Variants in TAOK3 observed in about 807,000 individuals in gnomAD.
The protein encoded by TAOK3 is TAO kinase 3.
TAOK3 carries 40 observed loss-of-function variants against 120.4 expected under a neutral mutation model. That is an observed-to-expected ratio of 0.33 (90% CI 0.26 to 0.43). The LOEUF (loss-of-function observed/expected upper bound fraction) is 0.43, where lower values mean the gene tolerates loss of function less well. Among genes scored for constraint, TAOK3 ranks in the 20% least tolerant of loss-of-function variants. The pLI is 1.00. For missense variants in TAOK3, 821 were observed against 1,112.1 expected (o/e 0.74, Z 3.72); for synonymous variants, 355 against 387.5 (o/e 0.92, Z 0.99).
At chr12:118,368,603 C>G (rs1461372986) in intron 1 of TAOK3, among the ~76,000 whole-genome samples, 8 of 149,482 alleles carry the variant, frequency 5.4e-5, no homozygotes, top group Admixed American at 2.0e-4. Flanking sequence ...GTCAGGAGTT[C>G]TAGATCAGCC....
intron 16 of TAOK3, among the ~76,000 whole-genome samples, chr12:118,176,417 T>C (rs1296783619): frequency 6.6e-6 from 1 of 152,106 alleles, no homozygotes; most frequent in Non-Finnish European, 1.5e-5. Flanking sequence ...TTCTAGGATT[T>C]TGACTTGTCC....
chr12:118,260,552 T>C (rs1272496991), intron 2 of TAOK3, among the ~76,000 whole-genome samples: 1 of 152,160 alleles, frequency 6.6e-6, no homozygotes, highest in Non-Finnish European at 1.5e-5. Context: ...AAATTAGTGG[T>C]CAAGGACATT....
chr12:118,368,386 C>A (rs547549239), intron 1 of TAOK3, among the ~76,000 whole-genome samples: 1 of 151,908 alleles, frequency 6.6e-6, no homozygotes, highest in African/African-American at 2.4e-5. Flanking sequence ...TTAGTAGAGA[C>A]GGGTTTTCAC....
chr12:118,208,312 C>T (rs956110611), intron 11 of TAOK3, among the ~76,000 whole-genome samples: 1 of 151,898 alleles, frequency 6.6e-6, no homozygotes, highest in Non-Finnish European at 1.5e-5. Flanking sequence ...GATAGCTTAG[C>T]TGGGGGAAAA....
chr12:118,344,354 A>G (rs187586387), intron 1 of TAOK3, among the ~76,000 whole-genome samples: 25 of 152,016 alleles, frequency 1.6e-4, no homozygotes, highest in African/African-American at 6.0e-4. Context: ...CAGTTACTAT[A>G]CAAAAGTGCA....
chr12:118,359,139 C>CT (rs1244147176), intron 1 of TAOK3: 2 of 152,144 alleles, frequency 1.3e-5, no homozygotes, highest in South Asian at 2.1e-4. Flanking sequence ...ATTACAGACA[C>CT]TTAGTTTTTT....
intron 1 of TAOK3, chr12:118,359,090 C>A (rs779473303): frequency 7.2e-5 from 11 of 152,156 alleles, no homozygotes; most frequent in Admixed American, 6.5e-4. Context: ...TATAAGAACA[C>A]CCCAGGCTAT....
At chr12:118,214,639 C>T (rs912213242) in intron 9 of TAOK3, among the ~76,000 whole-genome samples, 8 of 151,040 alleles carry the variant, frequency 5.3e-5, no homozygotes, top group Non-Finnish European at 1.0e-4. Context: ...TACAGTGGCA[C>T]GATCTGCAAC....
At chr12:118,288,427 C>G (rs560740640) in intron 1 of TAOK3, among the ~76,000 whole-genome samples, 19 of 152,156 alleles carry the variant, frequency 1.2e-4, no homozygotes, top group African/African-American at 4.6e-4. Context: ...ATAAGAAATG[C>G]CCATATGGGC....
At chr12:118,301,393 A>C (rs539916538) in intron 1 of TAOK3, among the ~76,000 whole-genome samples, 2 of 152,278 alleles carry the variant, frequency 1.3e-5, no homozygotes, top group Admixed American at 1.3e-4. Flanking sequence ...AGTTTGCTTA[A>C]GTGTTTGTTG....
intron 1 of TAOK3, among the ~76,000 whole-genome samples, chr12:118,268,646 T>C (rs2041561921): frequency 6.6e-6 from 1 of 152,240 alleles, no homozygotes; most frequent in Non-Finnish European, 1.5e-5. Context: ...TAATGTAGTC[T>C]GACTATAGCT....
In TAOK3 at chr12:118,280,349, C is replaced by T. The variant is rs117253594; in HGVS notation, c.-193-13590G>A. 6.6e-3 allele frequency among the ~76,000 whole-genome samples: 1,002 copies of T among 152,340 alleles called. 4 individuals carry two copies. The highest frequency in any genetic ancestry group is 0.034 in the Middle Eastern group (10 of 294). On this transcript the variant is annotated intron_variant, in intron 1 of 20. Coordinates refer to ENST00000392533, the MANE Select transcript of TAOK3 (RefSeq NM_016281.4). ...GTGCTGGGATTACAGGTGTGAACCA[C>T]TGCACGTGGTGTGATTTTTGTATAT...
chr12:118,343,620 T>A (rs1033385305), intron 1 of TAOK3, among the ~76,000 whole-genome samples: 1 of 152,014 alleles, frequency 6.6e-6, no homozygotes, highest in Non-Finnish European at 1.5e-5. Flanking sequence ...CCAAATTAAA[T>A]CATTAATACA....
chr12:118,246,560 G>A lies in TAOK3; in HGVS notation c.121-1595C>T, dbSNP rs556302189. 4.4e-4 allele frequency: 680 copies of A among 1,560,816 alleles called. 1 individual carries two copies. In the African/African-American group the frequency reaches 7.2e-3, roughly 17 times the overall value. On this transcript the variant is annotated intron_variant, in intron 3 of 20. Coordinates refer to ENST00000392533, the MANE Select transcript of TAOK3 (RefSeq NM_016281.4). The stretch of plus-strand genomic sequence containing the variant: ...TCCGTGGGGCCATCATCCTGGCCAA[G>A]CTCTCCATTGTCCCCGTGCGCAGAG...
At chr12:118,227,797 G>A (rs1376082717) in intron 9 of TAOK3, among the ~76,000 whole-genome samples, 3 of 152,164 alleles carry the variant, frequency 2.0e-5, no homozygotes, top group African/African-American at 2.4e-5. Flanking sequence ...TGCCAGCTAA[G>A]TGCTGGTAAA....
chr12:118,324,220 A>G (rs2043835868), intron 1 of TAOK3, among the ~76,000 whole-genome samples: 1 of 152,208 alleles, frequency 6.6e-6, no homozygotes, highest in East Asian at 1.9e-4. Context: ...CATCTGTATA[A>G]CTTTAAAGTG....
chr12:118,357,919 G>A (rs1313007630), intron 1 of TAOK3, among the ~76,000 whole-genome samples: 3 of 152,018 alleles, frequency 2.0e-5, no homozygotes, highest in South Asian at 2.1e-4. Context: ...AAAGAATAGC[G>A]CCCCCATTAG....
intron 2 of TAOK3, among the ~76,000 whole-genome samples, chr12:118,260,540 T>TA (rs34813682): frequency 6.6e-6 from 1 of 152,196 alleles, no homozygotes; most frequent in African/African-American, 2.4e-5. Flanking sequence ...TGATACATGT[T>TA]AAAATTAGTG....
chr12:118,169,383 C>A (rs2035851992), intron 17 of TAOK3, among the ~76,000 whole-genome samples: 1 of 137,438 alleles, frequency 7.3e-6, no homozygotes, highest in African/African-American at 2.7e-5. Context: ...ATGGCATGAT[C>A]TCAGCTTACT....
Sources: allele counts gnomAD v4.1 joint callset (sites outside exome capture counted in the v4.1 genomes callset), GRCh38; gene constraint gnomAD v4.1.1; transcripts MANE v1.5; gene names NCBI Gene and HGNC (gene_info 2026-07-23, HGNC 2026-07-21).